Variants in SERINC5 observed in about 807,000 individuals in gnomAD.
SERINC5 encodes chromosome 5 open reading frame 12.
Under a neutral mutation model 63.1 loss-of-function variants are expected in SERINC5, and 41 were observed. The observed-to-expected ratio is 0.65, with a 90% confidence interval of 0.51 to 0.84. SERINC5 has a LOEUF of 0.84. Among genes scored for constraint, SERINC5 ranks in the 40% least tolerant of loss-of-function variants. The pLI is 0.00. For missense variants in SERINC5, 523 were observed against 573.0 expected (o/e 0.91, Z 0.89); for synonymous variants, 222 against 215.2 (o/e 1.03, Z -0.28).
At chr5:80,242,976 G>C (rs1399227693) in intron 1 of SERINC5, among the ~76,000 whole-genome samples, 1 of 152,170 alleles carries the variant, frequency 6.6e-6, no homozygotes, top group Non-Finnish European at 1.5e-5. Flanking sequence ...TCTAGTTTTA[G>C]TAGGTCAGGG....
rs1410166028 is a variant in SERINC5, at chr5:80,143,708, C to A, written c.1341G>T (p.Thr447=). ...TGGGGCAGCAGAGGGGAGCGACCAG[C>A]GTACACAGGTACAACAGCACGCATA... is the stretch of plus-strand genomic sequence containing the variant. ...CWICVLLYLC[T]LVAPLCCPTR... is the part of the protein sequence containing the mutation. Residue 447 remains threonine (T), a synonymous_variant, in exon 12 of 12, where the codon ACG becomes ACT. Transcript: ENST00000507668. 2.0e-6 allele frequency: 3 copies of A among 1,535,980 alleles called. No homozygotes were observed. Among genetic ancestry groups the A allele is most frequent in the South Asian group, 1.2e-5 (1 of 84,068 alleles).
At chr5:80,224,349 C>T (rs980257484) in intron 1 of SERINC5, among the ~76,000 whole-genome samples, 4 of 151,904 alleles carry the variant, frequency 2.6e-5, no homozygotes, top group Admixed American at 6.6e-5. Context: ...TGGTGGCACA[C>T]GACTATAGTC....
chr5:80,194,889 G>A (rs1324563244), intron 2 of SERINC5, among the ~76,000 whole-genome samples: 1 of 152,164 alleles, frequency 6.6e-6, no homozygotes, highest in Non-Finnish European at 1.5e-5. Context: ...TATACCTGGT[G>A]TCTCAGTTCT....
intron 11 of SERINC5, among the ~76,000 whole-genome samples, chr5:80,125,094 G>GTC (rs1241858687): frequency 2.0e-5 from 3 of 152,124 alleles, no homozygotes; most frequent in Non-Finnish European, 4.4e-5. Flanking sequence ...GACCAACATG[G>GTC]TCTAGTGAGC....
intron 1 of SERINC5, among the ~76,000 whole-genome samples, chr5:80,217,288 A>T (rs1199888104): frequency 6.6e-6 from 1 of 152,204 alleles, no homozygotes; most frequent in Non-Finnish European, 1.5e-5. Flanking sequence ...GTGAAACACT[A>T]AACCCAAAAT....
downstream of SERINC5, among the ~76,000 whole-genome samples, chr5:80,137,139 C>CA (rs869035894): frequency 0.027 from 1,797 of 67,554 alleles, 101 homozygotes; most frequent in East Asian, 0.18. Flanking sequence ...GACCCTGTCT[C>CA]AAAAAAAAAA....
chr5:80,167,215 C>T (rs1392138568), intron 6 of SERINC5: 2 of 152,092 alleles, frequency 1.3e-5, no homozygotes, highest in African/African-American at 2.4e-5. Flanking sequence ...GTTATCTTTC[C>T]TGATCCTCTC....
In SERINC5 at chr5:80,206,819, T is replaced by TTC. The variant is rs1450618241; in HGVS notation, c.28-3767_28-3766insGA. The stretch of plus-strand genomic sequence containing the variant: ...GCCTCCTTCACTGATTGCTTTTTTT[T>TTC]TTTTTTTTTTTAAGAGACAGAGTTT... On this transcript the variant is annotated intron_variant, in intron 1 of 11. Transcript: ENST00000507668. Among the ~76,000 whole-genome samples, 7 of 149,668 alleles carry TTC rather than the reference T, an allele frequency of 4.7e-5. No homozygotes were observed. The East Asian group carries it at 1.4e-3, about 29-fold the overall frequency.
chr5:80,238,091 A>C (rs539600492), intron 1 of SERINC5, among the ~76,000 whole-genome samples: 24 of 145,466 alleles, frequency 1.6e-4, no homozygotes, highest in Admixed American at 9.7e-4. Flanking sequence ...GCGACAGAGT[A>C]AGACTCTGTC....
intron 6 of SERINC5, among the ~76,000 whole-genome samples, chr5:80,167,515 A>G (rs1017800557): frequency 2.0e-5 from 3 of 152,110 alleles, no homozygotes; most frequent in African/African-American, 7.2e-5. Flanking sequence ...CGGTGATTCC[A>G]TATCTTTGCT....
chr5:80,217,402 C>T (rs1750714202), intron 1 of SERINC5, among the ~76,000 whole-genome samples: 1 of 152,104 alleles, frequency 6.6e-6, no homozygotes, highest in African/African-American at 2.4e-5. Flanking sequence ...TGCCAAGCCA[C>T]GGAGTGCTTT....
chr5:80,153,127 TG>T (rs1746292038), intron 8 of SERINC5, among the ~76,000 whole-genome samples: 1 of 152,182 alleles, frequency 6.6e-6, no homozygotes, highest in Non-Finnish European at 1.5e-5. Context: ...ATTAATGCCA[TG>T]TGACTTCTAC....
intron 1 of SERINC5, among the ~76,000 whole-genome samples, chr5:80,251,310 A>ACATACATG (rs1752407551): frequency 7.1e-6 from 1 of 141,790 alleles, no homozygotes; most frequent in South Asian, 2.1e-4. Context: ...ATACATACAT[A>ACATACATG]CATACATACA....
At chr5:80,186,126 GAAAAA>G (rs10554934) in intron 2 of SERINC5, among the ~76,000 whole-genome samples, 1,675 of 61,374 alleles carry the variant, frequency 0.027, 39 homozygotes, top group African/African-American at 0.075. Flanking sequence ...TTCTTGTTTT[GAAAAA>G]AAAAAAAAAA....
intron 1 of SERINC5, among the ~76,000 whole-genome samples, chr5:80,215,773 T>C (rs1336028026): frequency 6.6e-6 from 1 of 152,142 alleles, no homozygotes; most frequent in Non-Finnish European, 1.5e-5. Context: ...AGGGTCAACT[T>C]AGTATCTCCA....
At chr5:80,173,638 C>T (rs1346083781) in intron 5 of SERINC5, among the ~76,000 whole-genome samples, 2 of 151,898 alleles carry the variant, frequency 1.3e-5, no homozygotes, top group Non-Finnish European at 2.9e-5. Flanking sequence ...GAACTGTGGT[C>T]ACTCTGGAAG....
At chr5:80,252,994 G>C (rs1202693286) in intron 1 of SERINC5, among the ~76,000 whole-genome samples, 1 of 152,124 alleles carries the variant, frequency 6.6e-6, no homozygotes, top group Non-Finnish European at 1.5e-5. Context: ...ATTTATAATA[G>C]GCATCTCTAA....
At chr5:80,242,502 C>T (rs1751985963) in intron 1 of SERINC5, among the ~76,000 whole-genome samples, 1 of 3,050 alleles carries the variant, frequency 3.3e-4, no homozygotes, top group African/African-American at 1.8e-3. Context: ...GCCTATAATC[C>T]CAGCATTTGG....
intron 1 of SERINC5, among the ~76,000 whole-genome samples, chr5:80,221,875 G>A (rs532767291): frequency 9.9e-5 from 15 of 151,874 alleles, no homozygotes; most frequent in African/African-American, 1.9e-4. Context: ...GGCCAGACAC[G>A]GTGGTTCACG....
Sources: allele counts gnomAD v4.1 joint callset (sites outside exome capture counted in the v4.1 genomes callset), GRCh38; gene constraint gnomAD v4.1.1; transcripts MANE v1.5; gene names NCBI Gene and HGNC (gene_info 2026-07-23, HGNC 2026-07-21).